RASGRF2: variants seen among roughly 807,000 people sequenced by gnomAD.
RASGRF2 encodes Ras protein specific guanine nucleotide releasing factor 2.
Under a neutral mutation model 151.0 loss-of-function variants are expected in RASGRF2, and 76 were observed. The observed-to-expected ratio is 0.50, with a 90% CI of 0.42 to 0.61. The LOEUF is 0.61. Ranked by LOEUF, RASGRF2 falls within the 20% of genes least tolerant of loss-of-function variation. RASGRF2 has a pLI of 0.00. For missense variants in RASGRF2, 1,148 were observed against 1,564.6 expected (o/e 0.73, Z 4.49); for synonymous variants, 504 against 566.5 (o/e 0.89, Z 1.57).
intron 2 of RASGRF2, among the ~76,000 whole-genome samples, chr5:81,055,914 T>G (rs182973080): frequency 1.1e-4 from 17 of 152,220 alleles, no homozygotes; most frequent in African/African-American, 1.9e-4. Flanking sequence ...TAGTTTATTT[T>G]CGTAGAGGTG....
At position 81,156,831 on chromosome 5, in the gene RASGRF2, A is replaced by G. The variant is rs73768024; in HGVS notation, c.2687-23344A>G. 3.0e-4 allele frequency among the ~76,000 whole-genome samples: 46 copies of G among 152,244 alleles called. No individual in the cohort carries two copies. In the East Asian group the frequency reaches 5.6e-3, roughly 19 times the overall value. On this transcript the variant is annotated intron_variant, in intron 17 of 26. Coordinates refer to ENST00000265080, the MANE Select transcript of RASGRF2 (RefSeq NM_006909.3). ...GCTGGAGTATCTTTAAAATGCAATA[A>G]GAAAAAGATAATTTAAGGTAGCCTG... is the stretch of plus-strand genomic sequence containing the variant.
chr5:81,162,086 G>C (rs913963102), intron 17 of RASGRF2, among the ~76,000 whole-genome samples: 3 of 151,680 alleles, frequency 2.0e-5, no homozygotes, highest in Admixed American at 6.6e-5. Context: ...CAAAAGATGG[G>C]CTCAAAAGTG....
In RASGRF2 at chr5:81,200,028, CGGGAGGCTGAGAT is replaced by C. The variant is rs200213556; in HGVS notation, c.2794-1295_2794-1283del. Among the ~76,000 whole-genome samples the C allele has an allele frequency of 2.5e-3, 376 of 151,414 alleles. 4 individuals are homozygous for C. In the East Asian group the frequency reaches 0.034, roughly 14 times the overall value. ...GCTCACGGTCGTAATCCCAGCACTT[CGGGAGGCTGAGAT>C]GGGAGGGTCACTTGAGCCCAGGAGC... On this transcript the variant is annotated intron_variant, in intron 18 of 26. Transcript: ENST00000265080.
chr5:81,207,258 A>G lies in RASGRF2; in HGVS notation c.2980A>G (p.Lys994Glu). 6.2e-7 allele frequency: 1 copy of G among 1,614,166 alleles called. No homozygotes were observed. Among genetic ancestry groups the G allele is most frequent in the Non-Finnish European group, 8.5e-7 (1 of 1,180,020 alleles). ...EDIIQMTDCM[K>E]AECFESLSAM... ...TCATCTCTTGCAGACTGACTGCATGAAGGCCGAATGCTTTGAGTCCTTGTC... is the reference window on the plus strand; with the variant it reads ...TCATCTCTTGCAGACTGACTGCATGGAGGCCGAATGCTTTGAGTCCTTGTC... Residue 994 changes from lysine (K) to glutamate (E), a missense_variant, in exon 21 of 27, where the codon AAG becomes GAG. Lys to Glu is a moderately conservative substitution (Grantham distance 56). Around this residue, in one of 5 missense-constraint regions of RASGRF2, gnomAD observed 646 missense variants for 807.4 expected, o/e 0.80. Coordinates refer to ENST00000265080, the MANE Select transcript of RASGRF2 (RefSeq NM_006909.3).
chr5:81,206,072 A>C (rs1755499384), intron 19 of RASGRF2, among the ~76,000 whole-genome samples: 1 of 152,164 alleles, frequency 6.6e-6, no homozygotes, highest in Non-Finnish European at 1.5e-5. Context: ...TCCAATGGCA[A>C]ATTATGTAAT....
intron 17 of RASGRF2, among the ~76,000 whole-genome samples, chr5:81,173,082 A>G (rs1754694450): frequency 6.6e-6 from 1 of 152,152 alleles, no homozygotes; most frequent in East Asian, 1.9e-4. Flanking sequence ...CTCCATTAAG[A>G]TAGAAGCAGT....
At position 81,215,978 on chromosome 5, in the gene RASGRF2, A is replaced by G. The variant is rs1755726290; in HGVS notation, c.3434+23A>G. 17 of 1,463,886 alleles carry G rather than the reference A, an allele frequency of 1.2e-5. No individual in the cohort carries two copies. In the East Asian group the frequency reaches 1.9e-4, roughly 16 times the overall value. The allele number at this position is 1,463,886 out of a possible 1,614,324, so 90.7% of individuals were successfully genotyped here. A position where few individuals can be genotyped will look rare whatever the true frequency, so the allele number is the denominator to read the frequency against. On this transcript the variant is annotated intron_variant, in intron 24 of 26. Coordinates refer to ENST00000265080, the MANE Select transcript of RASGRF2 (RefSeq NM_006909.3). Reference sequence around the variant, plus strand: ...AAAGTATGTCTATCTTAATTATTAAATTATTCATAATTCAGAAATATATTT... The same window carrying G: ...AAAGTATGTCTATCTTAATTATTAAGTTATTCATAATTCAGAAATATATTT...
chr5:81,076,679 A>C (rs2592096), intron 5 of RASGRF2, among the ~76,000 whole-genome samples: 31 of 133,210 alleles, frequency 2.3e-4, no homozygotes, highest in Admixed American at 8.9e-4. Flanking sequence ...TGGACACTTC[A>C]GTAGTTAGGA....
At chr5:81,217,870 G>C (rs1755777668) in intron 25 of RASGRF2, among the ~76,000 whole-genome samples, 1 of 151,808 alleles carries the variant, frequency 6.6e-6, no homozygotes, top group African/African-American at 2.4e-5. Flanking sequence ...AGCCTCCCAA[G>C]TAGCTGGGAC....
intron 19 of RASGRF2, 149 bp downstream of exon 19, chr5:81,201,591 G>C: frequency 1.1e-6 from 1 of 921,850 alleles, no homozygotes; most frequent in Non-Finnish European, 1.6e-6. Flanking sequence ...TCTCTTTCCT[G>C]GGGGCAATTT....
chr5:81,207,382 G>A, intron 21 of RASGRF2, 33 bp downstream of exon 21: 1 of 1,553,216 alleles, frequency 6.4e-7, no homozygotes, highest in Non-Finnish European at 8.9e-7. Flanking sequence ...GCAGGGCTCG[G>A]CTGCTCTAGC....
chr5:81,189,728 T>TTTTC (rs1554041047), intron 18 of RASGRF2, among the ~76,000 whole-genome samples: 6 of 150,160 alleles, frequency 4.0e-5, no homozygotes, highest in Non-Finnish European at 8.9e-5. Flanking sequence ...TTTTTTTTTT[T>TTTTC]CAGAGACAGA....
intron 17 of RASGRF2, among the ~76,000 whole-genome samples, chr5:81,172,368 C>G (rs1003754979): frequency 5.3e-5 from 8 of 151,850 alleles, no homozygotes; most frequent in Admixed American, 3.9e-4. Context: ...TACCATTCTT[C>G]ATGTATTTTT....
chr5:81,035,379 A>G (rs1224902881), intron 1 of RASGRF2, among the ~76,000 whole-genome samples: 1 of 151,888 alleles, frequency 6.6e-6, no homozygotes, highest in Non-Finnish European at 1.5e-5. Context: ...ATCAAACACC[A>G]CGTGTTCTCA....
chr5:81,049,196 C>T (rs1035078122), intron 2 of RASGRF2, among the ~76,000 whole-genome samples: 1 of 129,116 alleles, frequency 7.7e-6, no homozygotes, highest in African/African-American at 2.9e-5. Context: ...TCAGACAATA[C>T]AAAAGTAAAG....
intron 2 of RASGRF2, among the ~76,000 whole-genome samples, chr5:81,056,467 G>A (rs1212671541): frequency 1.3e-5 from 2 of 152,146 alleles, no homozygotes; most frequent in African/African-American, 2.4e-5. Context: ...CTGAGTTCTC[G>A]TTTGATTGCA....
At chr5:81,201,557 G>A in intron 19 of RASGRF2, 115 bp downstream of exon 19, 2 of 1,155,688 alleles carry the variant, frequency 1.7e-6, no homozygotes, top group Non-Finnish European at 2.4e-6. Context: ...TATGTTCTCA[G>A]CAGTAAAGTG....
intron 1 of RASGRF2, among the ~76,000 whole-genome samples, chr5:81,010,888 A>G (rs1417772836): frequency 6.6e-6 from 1 of 152,146 alleles, no homozygotes; most frequent in Non-Finnish European, 1.5e-5. Flanking sequence ...CCAGTAACTC[A>G]TTGTATATTT....
At chr5:80,977,042 A>G (rs781350579) in intron 1 of RASGRF2, among the ~76,000 whole-genome samples, 3 of 152,178 alleles carry the variant, frequency 2.0e-5, no homozygotes, top group Non-Finnish European at 2.9e-5. Flanking sequence ...AGGTTCACCT[A>G]TTTGGAATTG....
Sources: gnomAD v4.1 joint callset for allele counts (sites outside exome capture counted in the v4.1 genomes callset) on GRCh38, gnomAD v4.1.1 for gene constraint, gnomAD v4.1.1 regional missense constraint, MANE v1.5 for transcripts, NCBI Gene and HGNC (gene_info 2026-07-23, HGNC 2026-07-21) for gene names.